PRSS12: variants seen among roughly 807,000 people sequenced by gnomAD.
PRSS12 encodes serine protease 12, also known as neurotrypsin.
A neutral mutation model predicts 104.4 loss-of-function variants in PRSS12; 85 were observed. The ratio of observed to expected loss-of-function variants is 0.81; its 90% CI spans 0.68 to 0.98. PRSS12 has a LOEUF of 0.98. PRSS12 is among the 50% of genes least tolerant of loss of function. PRSS12 has a pLI of 0.00. For synonymous variants in PRSS12, 454 were observed against 425.2 expected (o/e 1.07, Z -0.83); for missense variants, 1,141 against 1,139.2 (o/e 1.00, Z -0.02).
At chr4:118,320,075 C>T (rs1723567954) in intron 4 of PRSS12, among the ~76,000 whole-genome samples, 2 of 152,118 alleles carry the variant, frequency 1.3e-5, no homozygotes, top group Admixed American at 1.3e-4. Flanking sequence ...TCTTAGAACC[C>T]CAGATTTAAG....
intron 2 of PRSS12, among the ~76,000 whole-genome samples, chr4:118,337,908 A>G (rs923486608): frequency 1.3e-5 from 2 of 152,278 alleles, no homozygotes; most frequent in Admixed American, 6.5e-5. Flanking sequence ...GTTAAAGACA[A>G]AGACCAAAAG....
At chr4:118,334,341 A>T (rs1724009254) in intron 3 of PRSS12, among the ~76,000 whole-genome samples, 1 of 152,064 alleles carries the variant, frequency 6.6e-6, no homozygotes, top group African/African-American at 2.4e-5. Context: ...TATTTTTAAA[A>T]TTTTTTACTT....
intron 4 of PRSS12, among the ~76,000 whole-genome samples, chr4:118,324,055 A>T (rs1049515452): frequency 1.3e-5 from 2 of 151,948 alleles, no homozygotes; most frequent in African/African-American, 4.8e-5. Flanking sequence ...ACATGCCACC[A>T]TGCCTGGCTA....
rs147707523 is a variant in PRSS12 at position 118,308,514 on chromosome 4, T to C, written c.1553A>G (p.Asn518Ser). The C allele has an allele frequency of 4.8e-5, 77 of 1,613,956 alleles. No homozygotes were observed. The African/African-American group carries it at 6.9e-4, about 15-fold the overall frequency. The change falls in exon 8 of 13, where the codon AAT becomes AGT. Residue 518 changes from asparagine (N) to serine (S), a missense_variant. Asn to Ser is a conservative substitution (Grantham distance 46). Coordinates refer to ENST00000296498, the MANE Select transcript of PRSS12 (RefSeq NM_003619.4). ...KKEGRVEVFI[N>S]GQWGTICDDG... ...ATCACAGATTGTTCCCCACTGGCCA[T>C]TGATAAAAACCTCCACTCGTCCTTC...
intron 8 of PRSS12, among the ~76,000 whole-genome samples, chr4:118,304,127 CGTGT>C (rs912995137): frequency 1.4e-4 from 21 of 151,202 alleles, no homozygotes; most frequent in East Asian, 1.9e-4. Flanking sequence ...TCTCCATGTA[CGTGT>C]GTGTGTGTAT....
rs1434565397 is a variant in PRSS12 at position 118,281,937 on chromosome 4, T to A, written c.2627A>T (p.Ter876LeuextTer21). 8.1e-7 allele frequency: 1 copy of A among 1,229,432 alleles called. No individual in the cohort carries two copies. Among genetic ancestry groups the A allele is most frequent in the African/African-American group, 1.5e-5 (1 of 67,428 alleles). The allele number at this position is 1,229,432 out of a possible 1,614,324, so 76.2% of individuals were successfully genotyped here. A position where few individuals can be genotyped will look rare whatever the true frequency, so the allele number is the denominator to read the frequency against. ...CTGCTTTGAAGTTTCCATGAAGAAT[T>A]ACAGTTTGGTGACACTTTTTATCCA... The part of the protein sequence containing the change: ...VPWIKSVTKL[*>L] Residue 876 changes from the stop codon to leucine (L), a stop_lost, in exon 13 of 13, where the codon TAA becomes TTA. Coordinates refer to ENST00000296498, the MANE Select transcript of PRSS12 (RefSeq NM_003619.4).
chr4:118,281,991 A>G lies in PRSS12; in HGVS notation c.2573T>C (p.Val858Ala). ...TACAAAGGCTGAGACTTTGGTATAA[A>G]CACCAGGAGAATCCTTGACTCCACA... ...YGCGVKDSPG[V>A]YTKVSAFVPW... The change falls in exon 13 of 13, where the codon GTT (valine) becomes GCT (alanine). Residue 858 changes from valine (V) to alanine (A), a missense_variant. Physicochemically the swap from Val to Ala is moderately conservative, Grantham distance 64. Transcript: ENST00000296498. 1.3e-6 allele frequency: 2 copies of G among 1,565,670 alleles called. No individual in the cohort carries two copies. Among genetic ancestry groups the G allele is most frequent in the Non-Finnish European group, 1.8e-6 (2 of 1,135,740 alleles).
chr4:118,289,245 T>C (rs771649220), intron 11 of PRSS12, among the ~76,000 whole-genome samples: 1 of 152,202 alleles, frequency 6.6e-6, no homozygotes, highest in African/African-American at 2.4e-5. Context: ...TAATCCTGTA[T>C]AATTAAATAA....
rs553206792 is a variant in PRSS12 at position 118,344,495 on chromosome 4, T to C, written c.503-6181A>G. On this transcript the variant is annotated intron_variant, in intron 1 of 12. Transcript: ENST00000296498. ...CCTGCTATATCTTTGCTAAATAGTA[T>C]ATTTTATTCAAGTCATCCCAGGTCA... Among the ~76,000 whole-genome samples, 175 of 152,308 alleles carry C rather than the reference T, an allele frequency of 1.1e-3. 3 individuals are homozygous for C. The highest frequency in any genetic ancestry group is 4.1e-3 in the African/African-American group (170 of 41,574).
At chr4:118,285,821 C>A (rs1391935159) in intron 11 of PRSS12, among the ~76,000 whole-genome samples, 1 of 148,648 alleles carries the variant, frequency 6.7e-6, no homozygotes, top group East Asian at 2.0e-4. Flanking sequence ...CTTTTTTTTT[C>A]TTTTTTTGAG....
At position 118,310,417 on chromosome 4, in the gene PRSS12, C is replaced by A. The variant is rs994602177; in HGVS notation, c.1490-1840G>T. 2.0e-5 allele frequency among the ~76,000 whole-genome samples: 3 copies of A among 152,122 alleles called. No individual in the cohort carries two copies. The South Asian group carries it at 6.2e-4, about 31-fold the overall frequency. On this transcript the variant is annotated intron_variant, in intron 7 of 12. Coordinates refer to ENST00000296498, the MANE Select transcript of PRSS12 (RefSeq NM_003619.4). ...TGTAAAAATAATGCATACAATATTT[C>A]TGAACCTAATTTTAGCCATTCATTC...
At position 118,308,344 on chromosome 4, in the gene PRSS12, C is replaced by T. The variant is rs1440782132; in HGVS notation, c.1631+92G>A. ...TATTTTCAAATGAATGACAGAAGCT[C>T]ATTTTAAGTAAAAAGTAACTCATTA... On this transcript the variant is annotated intron_variant, in intron 8 of 12. Transcript: ENST00000296498. 5 of 1,526,674 alleles carry T rather than the reference C, an allele frequency of 3.3e-6. No individual in the cohort carries two copies. The Admixed American group carries it at 8.4e-5, about 26-fold the overall frequency. The allele number at this position is 1,526,674 out of a possible 1,614,324, so 94.6% of individuals were successfully genotyped here. A position where few individuals can be genotyped will look rare whatever the true frequency, so the allele number is the denominator to read the frequency against.
At position 118,283,122 on chromosome 4, in the gene PRSS12, G is replaced by C. The variant is rs755832739; in HGVS notation, c.2040-11C>G. 1.2e-6 allele frequency: 2 copies of C among 1,613,912 alleles called. No homozygotes were observed. Among genetic ancestry groups the C allele is most frequent in the Non-Finnish European group, 1.7e-6 (2 of 1,179,788 alleles). The stretch of plus-strand genomic sequence containing the variant: ...GTGCTGTTGCCATACCTGAGAGGCA[G>C]AGAGTACTAATGAGAGACTTGCTTC... On this transcript the variant is annotated splice_polypyrimidine_tract_variant and intron_variant, in intron 11 of 12. Transcript: ENST00000296498.
chr4:118,295,922 A>T, intron 9 of PRSS12, 66 bp from the exon 10 acceptor site: 1 of 1,346,486 alleles, frequency 7.4e-7, no homozygotes, highest in Non-Finnish European at 1.1e-6. Flanking sequence ...ACGATAAGTG[A>T]CATACTCCAC....
chr4:118,337,665 G>T (rs1037812342), intron 2 of PRSS12, among the ~76,000 whole-genome samples: 4 of 152,028 alleles, frequency 2.6e-5, no homozygotes, highest in Non-Finnish European at 2.9e-5. Context: ...TCAAGGACAA[G>T]GGCACAGGTA....
intron 11 of PRSS12, among the ~76,000 whole-genome samples, chr4:118,292,196 T>C (rs184783954): frequency 6.6e-6 from 1 of 152,266 alleles, no homozygotes; most frequent in Admixed American, 6.5e-5. Flanking sequence ...ATATAATCAA[T>C]TTACCATCAG....
In PRSS12 at chr4:118,352,538, A is replaced by AGGC; in HGVS notation, c.180_182dup (p.Pro61dup). The AGGC allele has an allele frequency of 6.7e-7, 1 of 1,497,078 alleles. No homozygotes were observed. Among genetic ancestry groups the AGGC allele is most frequent in the Non-Finnish European group, 8.9e-7 (1 of 1,119,160 alleles). 92.7% of individuals were successfully genotyped at this position (1,497,078 alleles called of 1,614,324 possible). A position where few individuals can be genotyped will look rare whatever the true frequency, so the allele number is the denominator to read the frequency against. On this transcript the variant is annotated inframe_insertion, in exon 1 of 13. Coordinates refer to ENST00000296498, the MANE Select transcript of PRSS12 (RefSeq NM_003619.4). The stretch of plus-strand genomic sequence containing the variant: ...GCGGGGGGCGCGGGAAGCGCGGGAG[A>AGGC]GGCGGCGGCGGACGCGTCCTCGGGG...
intron 4 of PRSS12, 95 bp from the exon 5 acceptor site, chr4:118,318,651 C>T: frequency 8.2e-7 from 1 of 1,224,288 alleles, no homozygotes; most frequent in Non-Finnish European, 1.2e-6. Context: ...TATTATTAAT[C>T]CCCACTTATT....
chr4:118,306,950 C>A (rs754242754), intron 8 of PRSS12, among the ~76,000 whole-genome samples: 4 of 151,914 alleles, frequency 2.6e-5, no homozygotes, highest in Non-Finnish European at 5.9e-5. Flanking sequence ...GGATCACTTC[C>A]ACCAAGACAA....
Sources: allele counts gnomAD v4.1 joint callset (sites outside exome capture counted in the v4.1 genomes callset), GRCh38; gene constraint gnomAD v4.1.1; transcripts MANE v1.5; gene names NCBI Gene and HGNC (gene_info 2026-07-23, HGNC 2026-07-21).